Variants in ZNF566 observed in about 807,000 individuals in gnomAD.
ZNF566 encodes zinc finger protein 566.
A neutral mutation model predicts 32.8 loss-of-function variants in ZNF566; 27 were observed. The ratio of observed to expected loss-of-function variants is 0.82; its 90% confidence interval spans 0.61 to 1.14. The LOEUF (loss-of-function observed/expected upper bound fraction) is 1.14. Among genes scored for constraint, ZNF566 ranks in the 50% most tolerant of loss-of-function variants. The pLI, the probability that ZNF566 is intolerant of heterozygous loss-of-function variation, is 0.00. For missense variants in ZNF566, 402 were observed against 490.4 expected, an observed-to-expected ratio of 0.82 and a Z score of 1.70; for synonymous variants, 154 against 159.5, an observed-to-expected ratio of 0.97 and a Z score of 0.26.
At chr19:36,454,765 A>G (rs2145643316) in intron 4 of ZNF566, among the ~76,000 whole-genome samples, 1 of 152,304 alleles carries the variant, frequency 6.6e-6, no homozygotes, top group East Asian at 1.9e-4. Flanking sequence ...AATAAAAGAC[A>G]AAGACTTGAT....
Position 36,489,472 on chromosome 19 carries a change from A to C in ZNF566, c.-60+14T>G, listed in dbSNP as rs2145721794. On this transcript the variant is annotated intron_variant, in intron 1 of 4. Coordinates refer to ENST00000452939, the MANE Select transcript of ZNF566 (RefSeq NM_001145344.1). ...GGCCCCGCCCTCTCCCGGGTTTCTC[A>C]CCTCAGGCCTTACCAGCTTTCGAAG... The C allele has an allele frequency of 3.3e-6, 1 of 300,726 alleles. No homozygotes were observed. The highest frequency in any genetic ancestry group is 4.9e-5 in the Admixed American group (1 of 20,320). The allele number at this position is 300,726 out of a possible 1,614,324, so 18.6% of individuals were successfully genotyped here.
chr19:36,478,496 C>A (rs940814608), intron 1 of ZNF566, among the ~76,000 whole-genome samples: 3 of 152,040 alleles, frequency 2.0e-5, no homozygotes, highest in Non-Finnish European at 2.9e-5. Context: ...TTCAACAGCT[C>A]CATACCATGC....
intron 4 of ZNF566, among the ~76,000 whole-genome samples, chr19:36,453,565 T>A (rs2033224612): frequency 6.6e-6 from 1 of 150,896 alleles, no homozygotes; most frequent in African/African-American, 2.4e-5. Context: ...CATTTGCTAA[T>A]AGATACACAA....
intron 1 of ZNF566, among the ~76,000 whole-genome samples, chr19:36,486,717 T>A (rs914597397): frequency 3.3e-5 from 5 of 150,110 alleles, no homozygotes; most frequent in South Asian, 2.1e-4. Flanking sequence ...AGAACATTTT[T>A]AAAAAATTTA....
chr19:36,476,508 T>C, intron 2 of ZNF566, 41 bp downstream of exon 2: 1 of 1,572,460 alleles, frequency 6.4e-7, no homozygotes, highest in Non-Finnish European at 8.7e-7. Context: ...TTACTAGAAG[T>C]AAAAATCACT....
chr19:36,473,525 G>A (rs2033816487), intron 2 of ZNF566, 67 bp from the exon 3 acceptor site: 4 of 1,432,880 alleles, frequency 2.8e-6, no homozygotes, highest in South Asian at 1.5e-5. Context: ...AGGAAAGAGA[G>A]AAGAAAAAGA....
chr19:36,453,148 CAAAA>C (rs908626308), intron 4 of ZNF566, among the ~76,000 whole-genome samples: 1 of 145,040 alleles, frequency 6.9e-6, no homozygotes, highest in East Asian at 2.1e-4. Context: ...AAAAAACAAA[CAAAA>C]AAAAAGTTAA....
At chr19:36,454,234 T>A (rs1281953786) in intron 4 of ZNF566, among the ~76,000 whole-genome samples, 3 of 152,116 alleles carry the variant, frequency 2.0e-5, no homozygotes, top group Non-Finnish European at 4.4e-5. Context: ...AATAGACTGT[T>A]ATAACTATGA....
chr19:36,466,427 C>T (rs1252549553), intron 4 of ZNF566, among the ~76,000 whole-genome samples: 2 of 152,144 alleles, frequency 1.3e-5, no homozygotes, highest in Non-Finnish European at 2.9e-5. Flanking sequence ...GAGTCTCAAC[C>T]TACTAATACA....
intron 4 of ZNF566, among the ~76,000 whole-genome samples, chr19:36,457,925 C>T (rs1057463399): frequency 6.6e-6 from 1 of 151,964 alleles, no homozygotes; most frequent in Non-Finnish European, 1.5e-5. Context: ...AATCCCCTCA[C>T]ACCTGTCAGA....
intron 4 of ZNF566, among the ~76,000 whole-genome samples, chr19:36,469,494 C>G (rs2033709823): frequency 6.6e-6 from 1 of 151,734 alleles, no homozygotes; most frequent in Admixed American, 6.6e-5. Flanking sequence ...GAGCCGAGAT[C>G]ACGCCTTTAC....
rs1286704373 is a variant in ZNF566 at position 36,448,935 on chromosome 19, A to C, written c.*42T>G. 1 of 1,473,782 alleles carries C rather than the reference A, an allele frequency of 6.8e-7. No homozygotes were observed. Among genetic ancestry groups the C allele is most frequent in the East Asian group, 2.3e-5 (1 of 43,794 alleles). The allele number at this position is 1,473,782 out of a possible 1,614,324, so 91.3% of individuals were successfully genotyped here. A position where few individuals can be genotyped will look rare whatever the true frequency, so the allele number is the denominator to read the frequency against. On this transcript the variant is annotated 3_prime_UTR_variant, in exon 5 of 5. Transcript: ENST00000452939. Reference sequence around the variant, plus strand: ...AACAAGATAAATTCTGTTTTGAGCCATAATTAAAAGCCTCCCTACACATTT... The same window carrying C: ...AACAAGATAAATTCTGTTTTGAGCCCTAATTAAAAGCCTCCCTACACATTT...
At chr19:36,479,856 T>C (rs934843071) in intron 1 of ZNF566, among the ~76,000 whole-genome samples, 26 of 152,120 alleles carry the variant, frequency 1.7e-4, no homozygotes, top group Admixed American at 7.9e-4. Flanking sequence ...TTAGTTGTTT[T>C]TTTGTTTTTG....
At chr19:36,478,927 CA>C (rs2033960659) in intron 1 of ZNF566, among the ~76,000 whole-genome samples, 1 of 152,202 alleles carries the variant, frequency 6.6e-6, no homozygotes, top group Non-Finnish European at 1.5e-5. Context: ...GCATGAATAG[CA>C]TCCATGTAGA....
chr19:36,462,506 C>T (rs370156283), intron 4 of ZNF566, among the ~76,000 whole-genome samples: 9 of 151,928 alleles, frequency 5.9e-5, no homozygotes, highest in East Asian at 1.9e-4. Flanking sequence ...GTTCACTCCA[C>T]GGCAACTCTA....
rs777199144 is a variant in ZNF566 at position 36,449,118 on chromosome 19, A to G, written c.1116T>C (p.Cys372=). The change falls in exon 5 of 5, where the codon TGT becomes TGC. Residue 372 remains cysteine, a synonymous_variant. Coordinates refer to ENST00000452939, the MANE Select transcript of ZNF566 (RefSeq NM_001145344.1). ...GTGAACTCTGAGAATAAGCCTTCCCACATATCTTACATTCATAGGGTTTCT... is the reference window on the plus strand; with the variant it reads ...GTGAACTCTGAGAATAAGCCTTCCCGCATATCTTACATTCATAGGGTTTCT... ...TGEKPYECKI[C]GKAYSQSSQL... 1 of 1,614,038 alleles carries G rather than the reference A, an allele frequency of 6.2e-7. No individual in the cohort carries two copies. Among genetic ancestry groups the G allele is most frequent in the Non-Finnish European group, 8.5e-7 (1 of 1,179,984 alleles).
At chr19:36,458,055 G>T (rs1413740227) in intron 4 of ZNF566, among the ~76,000 whole-genome samples, 1 of 152,136 alleles carries the variant, frequency 6.6e-6, no homozygotes, top group Non-Finnish European at 1.5e-5. Flanking sequence ...CAGCATGGAG[G>T]TTTCTCAAAA....
At chr19:36,466,542 G>A (rs920872903) in intron 4 of ZNF566, among the ~76,000 whole-genome samples, 1 of 152,178 alleles carries the variant, frequency 6.6e-6, no homozygotes, top group African/African-American at 2.4e-5. Context: ...TTCCATTCAT[G>A]TAAGATTCAA....
rs139369786 is a variant in ZNF566 at position 36,468,109 on chromosome 19, C to T, written c.232+4802G>A. Among the ~76,000 whole-genome samples, 536 of 148,736 alleles carry T rather than the reference C, an allele frequency of 3.6e-3. 11 individuals carry two copies. The highest frequency in any genetic ancestry group is 0.029 in the East Asian group (144 of 4,950). On this transcript the variant is annotated intron_variant, in intron 4 of 4. Transcript: ENST00000452939. ...CTGAGGCAGAAGAATCACTTGAACC[C>T]GGGAGGCAGAGGTTGCGGTGAGCCG...
Sources: allele counts gnomAD v4.1 joint callset (sites outside exome capture counted in the v4.1 genomes callset), GRCh38; gene constraint gnomAD v4.1.1; transcripts MANE v1.5; gene names NCBI Gene and HGNC (gene_info 2026-07-23, HGNC 2026-07-21).